The following PPEF2 variants were observed in gnomAD, a reference collection of about 807,000 sequenced individuals.
PPEF2 encodes the protein protein phosphatase with EF-hand domain 2.
PPEF2 carries 84 observed loss-of-function variants against 84.7 expected under a neutral mutation model. The ratio of observed to expected loss-of-function variants is 0.99; its 90% CI spans 0.83 to 1.19. PPEF2 has a LOEUF of 1.19. Among genes scored for constraint, PPEF2 ranks in the 50% most tolerant of loss-of-function variants. The pLI is 0.00. For synonymous variants in PPEF2, 346 were observed against 345.2 expected, an observed-to-expected ratio of 1.00 and a Z score of -0.03; for missense variants, 924 against 937.5, an observed-to-expected ratio of 0.99 and a Z score of 0.19.
chr4:75,884,698 C>A lies in PPEF2; in HGVS notation c.642G>T (p.Lys214Asn). The A allele has an allele frequency of 1.2e-6, 2 of 1,613,332 alleles. No individual in the cohort carries two copies. The highest frequency in any genetic ancestry group is 2.2e-5 in the South Asian group (2 of 90,880). ...GAATCATCAGGATCTCTACTGAATC[C>A]TTGCCTCGATCCACAAAGTCACCGT... is the stretch of plus-strand genomic sequence containing the variant. ...VFNGDFVDRGKDSVEILMILF... is the reference protein window; with the variant it reads ...VFNGDFVDRGNDSVEILMILF... Residue 214 changes from lysine (K) to asparagine (N), a missense_variant, in exon 8 of 17, where the codon AAG becomes AAT. Coordinates refer to ENST00000286719, the MANE Select transcript of PPEF2 (RefSeq NM_006239.3).
intron 5 of PPEF2, among the ~76,000 whole-genome samples, chr4:75,889,722 T>C (rs141240945): frequency 2.6e-5 from 4 of 152,192 alleles, no homozygotes; most frequent in Admixed American, 6.5e-5. Flanking sequence ...TCAGTAGTTA[T>C]GTGTGGGATG....
chr4:75,888,950 G>A (rs1256667565), intron 5 of PPEF2, among the ~76,000 whole-genome samples: 4 of 152,344 alleles, frequency 2.6e-5, no homozygotes, highest in African/African-American at 7.2e-5. Context: ...GATGGCTCAC[G>A]CCTGTAATCC....
chr4:75,895,945 T>A (rs1469879003), intron 2 of PPEF2, among the ~76,000 whole-genome samples: 1 of 152,126 alleles, frequency 6.6e-6, no homozygotes, highest in Non-Finnish European at 1.5e-5. Flanking sequence ...TCCCACCTCA[T>A]GACCTTTGGA....
In PPEF2 at chr4:75,896,309, G is replaced by C; in HGVS notation, c.17C>G (p.Ser6Cys). MGSGT[S>C]TQHHFAFQNA... ...CTGGAAAGCAAAATGATGTTGGGTG[G>C]AGGTGCCGCTTCCCATAGTTTAAGC... Residue 6 changes from serine (S) to cysteine (C), a missense_variant, in exon 2 of 17, where the codon TCC becomes TGC. Ser to Cys is a moderately radical substitution (Grantham distance 112, BLOSUM62 -1). Transcript: ENST00000286719. 1 of 1,614,204 alleles carries C rather than the reference G, an allele frequency of 6.2e-7. No homozygotes were observed. Among genetic ancestry groups the C allele is most frequent in the Non-Finnish European group, 8.5e-7 (1 of 1,180,034 alleles).
chr4:75,878,850 C>T (rs1353147392), intron 10 of PPEF2, among the ~76,000 whole-genome samples: 2 of 152,180 alleles, frequency 1.3e-5, no homozygotes, highest in South Asian at 2.1e-4. Flanking sequence ...GCGATCTCAG[C>T]TCACCAAAAC....
intron 9 of PPEF2, 45 bp from the exon 10 acceptor site, chr4:75,883,120 A>G (rs1436181318): frequency 6.2e-7 from 1 of 1,613,502 alleles, no homozygotes; most frequent in Admixed American, 1.7e-5. Context: ...TAATTCACTC[A>G]ACTTATCTGA....
At chr4:75,885,433 C>T (rs1724696616) in intron 7 of PPEF2, among the ~76,000 whole-genome samples, 1 of 152,196 alleles carries the variant, frequency 6.6e-6, no homozygotes, top group Admixed American at 6.5e-5. Flanking sequence ...AGGCATGAGC[C>T]ACTGCACCTG....
At chr4:75,896,465 G>A (rs1242325472) in intron 1 of PPEF2, 82 bp from the exon 2 acceptor site, 2 of 828,934 alleles carry the variant, frequency 2.4e-6, no homozygotes, top group Non-Finnish European at 4.0e-6. Flanking sequence ...TATGAATCAT[G>A]TGAGAGTATC....
At chr4:75,863,442 G>T (rs1200012816) in intron 16 of PPEF2, among the ~76,000 whole-genome samples, 2 of 150,728 alleles carry the variant, frequency 1.3e-5, no homozygotes, top group Non-Finnish European at 2.9e-5. Flanking sequence ...GGAGGTTGCA[G>T]TGATCCGAGA....
At chr4:75,892,342 G>A (rs1009720640) in intron 2 of PPEF2, among the ~76,000 whole-genome samples, 4 of 152,120 alleles carry the variant, frequency 2.6e-5, no homozygotes, top group Non-Finnish European at 2.9e-5. Context: ...ATCCCTGACA[G>A]GTTATAATGC....
chr4:75,902,272 C>T lies in PPEF2; in HGVS notation c.-101G>A, dbSNP rs1212914696. 1 of 152,214 alleles carries T rather than the reference C, an allele frequency of 6.6e-6. No individual in the cohort carries two copies. The highest frequency in any genetic ancestry group is 1.5e-5 in the Non-Finnish European group (1 of 68,054). The allele number at this position is 152,214 out of a possible 1,614,324, so 9.4% of individuals were successfully genotyped here. A position where few individuals can be genotyped will look rare whatever the true frequency, so the allele number is the denominator to read the frequency against. On this transcript the variant is annotated 5_prime_UTR_variant, in exon 1 of 17. Transcript: ENST00000286719. ...TTATTTACCATGAGACACAACAAGGCAGAAATCTCTTTAACATGCAGGCGT... is the reference window on the plus strand; with the variant it reads ...TTATTTACCATGAGACACAACAAGGTAGAAATCTCTTTAACATGCAGGCGT...
chr4:75,883,704 G>A (rs1325977810), intron 8 of PPEF2, among the ~76,000 whole-genome samples: 1 of 150,684 alleles, frequency 6.6e-6, no homozygotes, highest in African/African-American at 2.4e-5. Context: ...TGTAGTCCCA[G>A]CTACTGAGGA....
chr4:75,882,874 G>A, intron 10 of PPEF2, 52 bp downstream of exon 10: 1 of 1,559,100 alleles, frequency 6.4e-7, no homozygotes, highest in Non-Finnish European at 8.7e-7. Flanking sequence ...ATTTATATTG[G>A]CAATGAAACT....
intron 16 of PPEF2, 124 bp from the exon 17 acceptor site, chr4:75,861,044 CTAATT>C (rs1723988210): frequency 8.8e-7 from 1 of 1,132,126 alleles, no homozygotes; most frequent in South Asian, 1.5e-5. Context: ...ATCCTAGTAT[CTAATT>C]TAAACTCCCA....
Position 75,876,610 on chromosome 4 carries a change from T to G in PPEF2, c.997A>C (p.Arg333=). The change falls in exon 11 of 17, where the codon AGA becomes CGA. Residue 333 remains arginine, a synonymous_variant. Coordinates refer to ENST00000286719, the MANE Select transcript of PPEF2 (RefSeq NM_006239.3). ...TGTGCAGAGCTCTTCTGGTTGGCTCTTCTCTTCTCCTCCATCTGCTTCTCA... is the reference window on the plus strand; with the variant it reads ...TGTGCAGAGCTCTTCTGGTTGGCTCGTCTCTTCTCCTCCATCTGCTTCTCA... ...KSEKQMEEKR[R]ANQKSSAQGP... is the part of the protein sequence containing the mutation. 2.2e-5 allele frequency: 35 copies of G among 1,604,956 alleles called. No homozygotes were observed. The highest frequency in any genetic ancestry group is 2.9e-5 in the Non-Finnish European group (34 of 1,175,942).
intron 11 of PPEF2, among the ~76,000 whole-genome samples, chr4:75,875,158 G>A (rs1724378039): frequency 1.3e-5 from 2 of 152,082 alleles, no homozygotes; most frequent in South Asian, 2.1e-4. Flanking sequence ...GCCTGTCTCA[G>A]CCTCCCAAAG....
intron 10 of PPEF2, chr4:75,881,735 A>G (rs1724579593): frequency 6.6e-6 from 1 of 152,216 alleles, no homozygotes; most frequent in African/African-American, 2.4e-5. Flanking sequence ...TGGCAGAGTA[A>G]CAAGAAACCT....
intron 7 of PPEF2, among the ~76,000 whole-genome samples, chr4:75,885,410 A>G (rs951335035): frequency 3.3e-5 from 5 of 152,076 alleles, no homozygotes; most frequent in Admixed American, 6.6e-5. Flanking sequence ...AGCCTCCCAA[A>G]TGCTGGGATT....
chr4:75,883,357 C>G, intron 8 of PPEF2, 155 bp from the exon 9 acceptor site: 1 of 651,528 alleles, frequency 1.5e-6, no homozygotes, highest in South Asian at 1.9e-5. Context: ...AAAACTATGT[C>G]ATTATCCCTG....
Sources: gnomAD v4.1 joint callset for allele counts (sites outside exome capture counted in the v4.1 genomes callset) on GRCh38, gnomAD v4.1.1 for gene constraint, MANE v1.5 for transcripts, NCBI Gene and HGNC (gene_info 2026-07-23, HGNC 2026-07-21) for gene names.